DAB1: variants seen among roughly 807,000 people sequenced by gnomAD.
The protein encoded by DAB1 is DAB adaptor protein 1.
DAB1 carries 15 observed loss-of-function variants against 64.6 expected under a neutral mutation model. The ratio of observed to expected loss-of-function variants is 0.23; its 90% CI spans 0.16 to 0.36. DAB1 has a LOEUF of 0.36. Among genes scored for constraint, DAB1 ranks in the 10% least tolerant of loss-of-function variants. The pLI is 1.00. For synonymous variants in DAB1, 235 were observed against 251.9 expected (o/e 0.93, Z 0.64); for missense variants, 596 against 706.7 (o/e 0.84, Z 1.78).
At chr1:58,528,567 G>A (rs1302438917) in intron 1 of DAB1, among the ~76,000 whole-genome samples, 2 of 152,178 alleles carry the variant, frequency 1.3e-5, no homozygotes, top group African/African-American at 4.8e-5. Context: ...AGGAGGGAGA[G>A]CTACTGACAT....
chr1:58,385,869 C>T (rs1269733196), intron 3 of DAB1, among the ~76,000 whole-genome samples: 2 of 152,194 alleles, frequency 1.3e-5, no homozygotes, highest in African/African-American at 4.8e-5. Context: ...CTGCGTTAAT[C>T]AAATGTCAGA....
At chr1:57,737,101 C>A (rs1225739991) in intron 6 of DAB1, among the ~76,000 whole-genome samples, 1 of 152,210 alleles carries the variant, frequency 6.6e-6, no homozygotes, top group African/African-American at 2.4e-5. Context: ...TCAACAGGAG[C>A]TGTGGCTTCC....
chr1:57,169,057 A>C (rs775444574), intron 2 of DAB1, among the ~76,000 whole-genome samples: 1 of 152,226 alleles, frequency 6.6e-6, no homozygotes, highest in Non-Finnish European at 1.5e-5. Context: ...CCCTGCCTCA[A>C]ATAAATAAAT....
Position 58,294,865 on chromosome 1 carries a change from CGTGTGTGTGTGTGT to C in DAB1, n.309+48473_309+48486del, listed in dbSNP as rs55922554. On this transcript the variant is annotated intron_variant and non_coding_transcript_variant, in intron 4 of 20. Transcript: ENST00000485760. ...GCAAAATGGCATGCTTGGTCCAGAA[CGTGTGTGTGTGTGT>C]GTGTGTGTGTGTGTGTGTGTGTGTT... Among the ~76,000 whole-genome samples the C allele has an allele frequency of 1.1e-3, 157 of 137,726 alleles. 2 individuals carry two copies. The highest frequency in any genetic ancestry group is 4.1e-4 in the African/African-American group (16 of 38,766). 90.4% of individuals were successfully genotyped at this position (137,726 alleles called of 152,430 possible).
chr1:58,157,545 G>A (rs1440224495), intron 4 of DAB1, among the ~76,000 whole-genome samples: 1 of 152,166 alleles, frequency 6.6e-6, no homozygotes, highest in Non-Finnish European at 1.5e-5. Flanking sequence ...CAAGAGGCAT[G>A]GGAACAGGCA....
intron 5 of DAB1, among the ~76,000 whole-genome samples, chr1:57,928,575 T>C (rs1380643049): frequency 6.6e-6 from 1 of 152,216 alleles, no homozygotes; most frequent in African/African-American, 2.4e-5. Flanking sequence ...GTAGTTTCAC[T>C]GCTGTGAATA....
intron 9 of DAB1, among the ~76,000 whole-genome samples, chr1:57,047,600 T>C (rs1043213846): frequency 3.3e-5 from 5 of 152,192 alleles, no homozygotes; most frequent in Admixed American, 2.6e-4. Flanking sequence ...TCACTAGGAA[T>C]GGAGTCCGCT....
Position 57,931,770 on chromosome 1 carries a change from G to A in DAB1, n.388-47608C>T, listed in dbSNP as rs182278778. Reference sequence around the variant, plus strand: ...ACAGTTAGCCTGGTTACAGGCTTTCGATCTTACTGATCTTTACAAAGAAAA... The same window carrying A: ...ACAGTTAGCCTGGTTACAGGCTTTCAATCTTACTGATCTTTACAAAGAAAA... On this transcript the variant is annotated intron_variant and non_coding_transcript_variant, in intron 5 of 20. Coordinates refer to the DAB1 transcript ENST00000485760. 1.5e-4 allele frequency among the ~76,000 whole-genome samples: 23 copies of A among 152,110 alleles called. No homozygotes were observed. In the East Asian group the frequency reaches 4.1e-3, roughly 27 times the overall value.
chr1:58,287,050 T>G (rs773918989), intron 4 of DAB1, among the ~76,000 whole-genome samples: 3 of 152,190 alleles, frequency 2.0e-5, no homozygotes, highest in African/African-American at 4.8e-5. Context: ...CCATTATCTT[T>G]AGCAAACTAA....
At chr1:57,416,711 C>T (rs1684521269) in intron 1 of DAB1, among the ~76,000 whole-genome samples, 1 of 152,132 alleles carries the variant, frequency 6.6e-6, no homozygotes, top group African/African-American at 2.4e-5. Context: ...ACAATTTACC[C>T]TAATCTTTTT....
intron 4 of DAB1, among the ~76,000 whole-genome samples, chr1:58,306,502 G>C (rs1012787365): frequency 2.4e-4 from 36 of 152,016 alleles, no homozygotes; most frequent in Non-Finnish European, 1.2e-4. Context: ...GCGACCACTT[G>C]CATCTATTAG....
At chr1:58,063,808 T>C (rs991045709) in intron 5 of DAB1, among the ~76,000 whole-genome samples, 5 of 152,168 alleles carry the variant, frequency 3.3e-5, no homozygotes, top group East Asian at 1.9e-4. Flanking sequence ...CCCAAGCCAA[T>C]TGCCATTTCT....
intron 5 of DAB1, among the ~76,000 whole-genome samples, chr1:57,938,138 T>C (rs528518351): frequency 4.6e-5 from 7 of 152,338 alleles, no homozygotes; most frequent in South Asian, 2.1e-4. Flanking sequence ...TTAGAGACAT[T>C]TGGGGACCAG....
intron 3 of DAB1, among the ~76,000 whole-genome samples, chr1:58,364,534 C>T (rs1393470853): frequency 6.6e-6 from 1 of 152,174 alleles, no homozygotes; most frequent in Non-Finnish European, 1.5e-5. Flanking sequence ...TGGCACAGTC[C>T]ACTCCTTTGG....
intron 4 of DAB1, among the ~76,000 whole-genome samples, chr1:58,195,935 G>T (rs1278878063): frequency 6.6e-6 from 1 of 152,206 alleles, no homozygotes; most frequent in Non-Finnish European, 1.5e-5. Flanking sequence ...AGCATGCAGT[G>T]AAGTTGAGAT....
upstream of DAB1, among the ~76,000 whole-genome samples, chr1:57,424,811 G>A (rs1011585002): frequency 6.6e-5 from 10 of 152,120 alleles, no homozygotes; most frequent in Admixed American, 3.9e-4. Context: ...CACGTGTCAA[G>A]TTTCCGTCAG....
At chr1:57,279,393 G>T (rs1258645093) in intron 2 of DAB1, among the ~76,000 whole-genome samples, 2 of 152,080 alleles carry the variant, frequency 1.3e-5, no homozygotes, top group East Asian at 1.9e-4. Flanking sequence ...TTTAATTGTT[G>T]TATTTTTTGC....
At chr1:57,521,994 C>T (rs1289943783) in intron 7 of DAB1, among the ~76,000 whole-genome samples, 1 of 152,100 alleles carries the variant, frequency 6.6e-6, no homozygotes, top group East Asian at 1.9e-4. Context: ...CCTATAATCC[C>T]AGCTACTTGG....
intron 6 of DAB1, among the ~76,000 whole-genome samples, chr1:57,704,232 G>T (rs1646939599): frequency 6.6e-6 from 1 of 152,100 alleles, no homozygotes. Flanking sequence ...CTAAAAAATT[G>T]GATGATTTTG....
Sources: gnomAD v4.1 joint callset for allele counts (sites outside exome capture counted in the v4.1 genomes callset) on GRCh38, gnomAD v4.1.1 for gene constraint, MANE v1.5 for transcripts, NCBI Gene and HGNC (gene_info 2026-07-23, HGNC 2026-07-21) for gene names.